Variants in RHOH observed in about 807,000 individuals in gnomAD.
RHOH encodes the protein ras homolog family member H.
RHOH carries 6 observed loss-of-function variants against 13.8 expected under a neutral mutation model. That is an observed-to-expected ratio of 0.44 (90% CI 0.24 to 0.86). RHOH has a LOEUF of 0.86. Among genes scored for constraint, RHOH ranks in the 40% least tolerant of loss-of-function variants. RHOH has a pLI of 0.24. For synonymous variants in RHOH, 117 were observed against 103.0 expected (o/e 1.14, Z -0.82); for missense variants, 147 against 244.5 (o/e 0.60, Z 2.66).
intron 1 of RHOH, among the ~76,000 whole-genome samples, chr4:40,234,543 T>C (rs775608790): frequency 3.9e-5 from 6 of 151,980 alleles, no homozygotes; most frequent in South Asian, 2.1e-4. Flanking sequence ...CCCGGTGTGA[T>C]TGGGGACCAG....
chr4:40,204,136 C>T (rs930581004), intron 1 of RHOH, among the ~76,000 whole-genome samples: 1 of 152,224 alleles, frequency 6.6e-6, no homozygotes, highest in Non-Finnish European at 1.5e-5. Context: ...CTGAGATTAT[C>T]TGCTTCACCT....
chr4:40,226,332 GCCTGA>G (rs1727230782), intron 1 of RHOH, among the ~76,000 whole-genome samples: 1 of 151,898 alleles, frequency 6.6e-6, no homozygotes, highest in African/African-American at 2.4e-5. Context: ...TTCAAGACTA[GCCTGA>G]CCAACATGGA....
chr4:40,231,472 G>A (rs1453075541), intron 1 of RHOH, among the ~76,000 whole-genome samples: 2 of 152,058 alleles, frequency 1.3e-5, no homozygotes, highest in African/African-American at 4.8e-5. Context: ...GTCATATGAC[G>A]GCAGCCTGTG....
At position 40,244,106 on chromosome 4, in the gene RHOH, C is replaced by T. The variant is rs1017633563; in HGVS notation, c.*144C>T. ...CTTTTGGATACAGTTATTGATGAGG[C>T]TTGGCCACTGGATGTTTTCACTAAC... On this transcript the variant is annotated 3_prime_UTR_variant, in exon 3 of 3. Coordinates refer to ENST00000381799, the MANE Select transcript of RHOH (RefSeq NM_004310.5). The T allele has an allele frequency of 1.5e-6, 1 of 654,354 alleles. No homozygotes were observed. The highest frequency in any genetic ancestry group is 2.3e-5 in the South Asian group (1 of 44,274). 40.5% of individuals were successfully genotyped at this position (654,354 alleles called of 1,614,324 possible). A position where few individuals can be genotyped will look rare whatever the true frequency, so the allele number is the denominator to read the frequency against.
intron 1 of RHOH, among the ~76,000 whole-genome samples, chr4:40,224,292 G>A (rs7677758): frequency 1.3e-5 from 2 of 152,108 alleles, no homozygotes; most frequent in Non-Finnish European, 2.9e-5. Flanking sequence ...TAACCCCTGC[G>A]TCTTAATGGA....
intron 1 of RHOH, among the ~76,000 whole-genome samples, chr4:40,202,265 T>C (rs1464676937): frequency 1.6e-4 from 24 of 152,116 alleles, no homozygotes; most frequent in African/African-American, 2.4e-5. Flanking sequence ...TTTAAAGTCA[T>C]TAAAAATCAT....
At chr4:40,238,701 A>G (rs1007469200) in intron 1 of RHOH, among the ~76,000 whole-genome samples, 10 of 152,118 alleles carry the variant, frequency 6.6e-5, no homozygotes, top group African/African-American at 2.2e-4. Context: ...CATTAATTCT[A>G]TCTGATTCAA....
chr4:40,197,746 C>T (rs568409814), intron 1 of RHOH, among the ~76,000 whole-genome samples: 2 of 152,300 alleles, frequency 1.3e-5, no homozygotes, highest in East Asian at 1.9e-4. Flanking sequence ...GAATTTCTAG[C>T]TTGTGTTTTT....
At chr4:40,217,100 C>T (rs1725980519) in intron 1 of RHOH, among the ~76,000 whole-genome samples, 1 of 152,136 alleles carries the variant, frequency 6.6e-6, no homozygotes, top group South Asian at 2.1e-4. Context: ...TGAAAGAGAC[C>T]TGCTCTGAGG....
chr4:40,212,192 A>G (rs1725348740), intron 1 of RHOH, among the ~76,000 whole-genome samples: 1 of 152,182 alleles, frequency 6.6e-6, no homozygotes, highest in South Asian at 2.1e-4. Flanking sequence ...TCCTTCCTTA[A>G]CATCTTCGTT....
intron 1 of RHOH, among the ~76,000 whole-genome samples, chr4:40,204,660 A>G (rs1429876691): frequency 6.6e-6 from 1 of 152,186 alleles, no homozygotes; most frequent in African/African-American, 2.4e-5. Context: ...AGCATTGCAG[A>G]GGAAGTTCTG....
At chr4:40,238,684 G>A (rs1362949912) in intron 1 of RHOH, among the ~76,000 whole-genome samples, 1 of 152,214 alleles carries the variant, frequency 6.6e-6, no homozygotes, top group African/African-American at 2.4e-5. Context: ...CTCTGGAGGT[G>A]AAGGCTCATT....
At chr4:40,216,986 C>A (rs1241814346) in intron 1 of RHOH, among the ~76,000 whole-genome samples, 1 of 152,178 alleles carries the variant, frequency 6.6e-6, no homozygotes, top group Non-Finnish European at 1.5e-5. Context: ...TTCCTAGGAT[C>A]TTAGTTCTCC....
At chr4:40,208,220 C>T (rs1164880702) in intron 1 of RHOH, among the ~76,000 whole-genome samples, 2 of 152,080 alleles carry the variant, frequency 1.3e-5, no homozygotes, top group Non-Finnish European at 1.5e-5. Context: ...GTTAGTGCTC[C>T]TTCCTTTATA....
rs1729625743 is a variant in RHOH at position 40,244,450 on chromosome 4, A to T, written c.*488A>T. On this transcript the variant is annotated 3_prime_UTR_variant, in exon 3 of 3. Coordinates refer to ENST00000381799, the MANE Select transcript of RHOH (RefSeq NM_004310.5). ...GTGTTATTATTTTCACCTCAAGTAG[A>T]AAGTCTGTTGAAACCACTTGGCTGC... 4.6e-6 allele frequency: 1 copy of T among 218,814 alleles called. No individual in the cohort carries two copies. The highest frequency in any genetic ancestry group is 1.0e-5 in the Non-Finnish European group (1 of 99,656). The allele number at this position is 218,814 out of a possible 1,614,324, so 13.6% of individuals were successfully genotyped here.
chr4:40,243,330 C>G lies in RHOH; in HGVS notation c.-57C>G, dbSNP rs1729474618. ...GAATGGCGTGTGCTGCAGCTGCCCA[C>G]TGAGGGCTCTTTTCCCTGGGATTCT... is the stretch of plus-strand genomic sequence containing the variant. On this transcript the variant is annotated 5_prime_UTR_variant, in exon 3 of 3. Coordinates refer to ENST00000381799, the MANE Select transcript of RHOH (RefSeq NM_004310.5). The surrounding 1 kb of genome is among the most constrained non-coding windows in gnomAD (Gnocchi z 6.2). 7.4e-6 allele frequency: 11 copies of G among 1,479,438 alleles called. No individual in the cohort carries two copies. Among genetic ancestry groups the G allele is most frequent in the Non-Finnish European group, 1.0e-5 (11 of 1,095,724 alleles). 91.6% of individuals were successfully genotyped at this position (1,479,438 alleles called of 1,614,324 possible).
chr4:40,215,714 A>T (rs1725795638), intron 1 of RHOH, among the ~76,000 whole-genome samples: 1 of 152,202 alleles, frequency 6.6e-6, no homozygotes, highest in Non-Finnish European at 1.5e-5. Flanking sequence ...GGATCACTTG[A>T]GGTCAAGAGT....
chr4:40,244,243 C>T lies in RHOH; in HGVS notation c.*281C>T, dbSNP rs180869970. 4.5e-5 allele frequency: 15 copies of T among 330,344 alleles called. No homozygotes were observed. The highest frequency in any genetic ancestry group is 2.8e-4 in the South Asian group (2 of 7,028). 20.5% of individuals were successfully genotyped at this position (330,344 alleles called of 1,614,324 possible). A position where few individuals can be genotyped will look rare whatever the true frequency, so the allele number is the denominator to read the frequency against. On this transcript the variant is annotated 3_prime_UTR_variant, in exon 3 of 3. Coordinates refer to ENST00000381799, the MANE Select transcript of RHOH (RefSeq NM_004310.5). ...GTGAAATAGTCTCCATAATTTTGGA[C>T]GATGAAGTGAGTTTTTCAAAGAATT...
chr4:40,212,909 A>T (rs1030322516), intron 1 of RHOH: 1 of 152,246 alleles, frequency 6.6e-6, no homozygotes, highest in African/African-American at 2.4e-5. Context: ...CACTGCTGAT[A>T]GATTGGGGAA....
Sources: gnomAD v4.1 joint callset for allele counts (sites outside exome capture counted in the v4.1 genomes callset) on GRCh38, gnomAD v4.1.1 for gene constraint, Gnocchi (gnomAD v3.1) non-coding constraint, MANE v1.5 for transcripts, NCBI Gene and HGNC (gene_info 2026-07-23, HGNC 2026-07-21) for gene names.